The following PDE4D variants were observed in gnomAD, a reference collection of about 807,000 sequenced individuals.
The protein encoded by PDE4D is 3',5'-cyclic-AMP phosphodiesterase 4D.
A neutral mutation model predicts 87.4 loss-of-function variants in PDE4D; 24 were observed. That is an observed-to-expected ratio of 0.27 (90% CI 0.20 to 0.39). PDE4D has a LOEUF of 0.39. Ranked by LOEUF, PDE4D falls within the 10% of genes least tolerant of loss-of-function variation. The pLI is 1.00. For missense variants in PDE4D, 714 were observed against 1,041.0 expected, an observed-to-expected ratio of 0.69 and a Z score of 4.32; for synonymous variants, 384 against 383.2, an observed-to-expected ratio of 1.00 and a Z score of -0.02.
At chr5:59,807,373 C>T (rs1767858424) in intron 1 of PDE4D, among the ~76,000 whole-genome samples, 3 of 152,134 alleles carry the variant, frequency 2.0e-5, no homozygotes, top group Admixed American at 6.5e-5. Flanking sequence ...GGTCCCATTT[C>T]CCCCATGCTT....
At chr5:60,462,576 A>G (rs981343672) in intron 1 of PDE4D, among the ~76,000 whole-genome samples, 4 of 152,190 alleles carry the variant, frequency 2.6e-5, no homozygotes, top group Admixed American at 2.6e-4. Context: ...CACGGTGACC[A>G]CATAAACGGA....
chr5:60,367,375 G>A (rs1760644263), intron 1 of PDE4D, among the ~76,000 whole-genome samples: 2 of 151,610 alleles, frequency 1.3e-5, no homozygotes, highest in South Asian at 4.2e-4. Context: ...TTGAACCCAG[G>A]AGGAGGTGGA....
intron 1 of PDE4D, among the ~76,000 whole-genome samples, chr5:59,891,917 C>T (rs1751013735): frequency 6.6e-6 from 1 of 152,196 alleles, no homozygotes; most frequent in African/African-American, 2.4e-5. Flanking sequence ...TTTCCACACC[C>T]AGACCTGATT....
At chr5:60,513,869 G>C (rs1321059834) in intron 1 of PDE4D, among the ~76,000 whole-genome samples, 1 of 151,224 alleles carries the variant, frequency 6.6e-6, no homozygotes, top group Non-Finnish European at 1.5e-5. Context: ...AATATTAAGT[G>C]AGAATAAAGC....
At chr5:59,885,209 T>C (rs1238584192) in intron 1 of PDE4D, among the ~76,000 whole-genome samples, 3 of 152,154 alleles carry the variant, frequency 2.0e-5, no homozygotes, top group Admixed American at 2.0e-4. Flanking sequence ...TAAATTATTA[T>C]CATGCTGTTT....
At chr5:59,028,757 AAAG>A in intron 6 of PDE4D, among the ~76,000 whole-genome samples, 1 of 152,288 alleles carries the variant, frequency 6.6e-6, no homozygotes, top group South Asian at 2.1e-4. Flanking sequence ...AACTGAGGGT[AAAG>A]AAGGAAAAAT....
intron 1 of PDE4D, among the ~76,000 whole-genome samples, chr5:59,390,206 A>T (rs139398035): frequency 1.3e-5 from 2 of 152,160 alleles, no homozygotes; most frequent in East Asian, 3.8e-4. Context: ...TTTGCAACTT[A>T]TAATAGTTAT....
chr5:59,334,990 C>T (rs1777421320), intron 1 of PDE4D, among the ~76,000 whole-genome samples: 1 of 152,136 alleles, frequency 6.6e-6, no homozygotes, highest in African/African-American at 2.4e-5. Flanking sequence ...CATTTTTCAG[C>T]TTATACACTA....
At chr5:59,183,418 A>G (rs1742133174) in intron 4 of PDE4D, among the ~76,000 whole-genome samples, 1 of 152,134 alleles carries the variant, frequency 6.6e-6, no homozygotes, top group African/African-American at 2.4e-5. Context: ...TTGCATAGAA[A>G]CAGGCCTCAG....
Position 59,893,545 on chromosome 5 carries a change from G to C in PDE4D, c.78C>G (p.Leu26=), listed in dbSNP as rs1056384599. The change falls in exon 1 of 15, where the codon CTC becomes CTG. Residue 26 remains leucine (L), a synonymous_variant. Transcript: ENST00000340635. ...EGSDSAGGAT[L]KAPKHLWRHE... ...GCCTCCAGAGATGCTTGGGGGCTTTGAGCGTGGCCCCGCCGGCGCTGTCGC... is the reference window on the plus strand; with the variant it reads ...GCCTCCAGAGATGCTTGGGGGCTTTCAGCGTGGCCCCGCCGGCGCTGTCGC... The C allele has an allele frequency of 3.2e-6, 5 of 1,539,530 alleles. No individual in the cohort carries two copies. In the African/African-American group the frequency reaches 7.0e-5, roughly 21 times the overall value.
intron 1 of PDE4D, among the ~76,000 whole-genome samples, chr5:59,411,077 G>C (rs549638298): frequency 6.6e-6 from 1 of 152,036 alleles, no homozygotes; most frequent in African/African-American, 2.4e-5. Context: ...AGCTGAGCAG[G>C]GTGAGAGGAG....
intron 1 of PDE4D, among the ~76,000 whole-genome samples, chr5:59,518,747 T>C (rs552139002): frequency 7.7e-4 from 118 of 152,350 alleles, no homozygotes; most frequent in African/African-American, 2.8e-3. Flanking sequence ...TGATTTTTGT[T>C]GTTTCTGCAT....
intron 1 of PDE4D, among the ~76,000 whole-genome samples, chr5:60,193,946 C>T (rs1740888903): frequency 6.6e-6 from 1 of 151,346 alleles, no homozygotes; most frequent in African/African-American, 2.4e-5. Context: ...GGTGTTTCTC[C>T]TCCTATGAGG....
At chr5:59,966,744 T>G (rs1402517431) in intron 3 of PDE4D, among the ~76,000 whole-genome samples, 1 of 152,202 alleles carries the variant, frequency 6.6e-6, no homozygotes, top group Non-Finnish European at 1.5e-5. Context: ...TTTCAAACTG[T>G]TAAAGCAATA....
intron 2 of PDE4D, among the ~76,000 whole-genome samples, chr5:60,089,649 C>G (rs1774901652): frequency 6.6e-6 from 1 of 150,990 alleles, no homozygotes; most frequent in South Asian, 2.1e-4. Context: ...AAAGCAAGAA[C>G]AATCAAACTC....
chr5:59,809,578 A>G (rs1181908184), intron 1 of PDE4D, among the ~76,000 whole-genome samples: 1 of 152,160 alleles, frequency 6.6e-6, no homozygotes, highest in East Asian at 1.9e-4. Context: ...ATTTTAGGAT[A>G]TAGTATTGCC....
At chr5:59,415,112 G>GT (rs1291743651) in intron 1 of PDE4D, among the ~76,000 whole-genome samples, 1 of 152,200 alleles carries the variant, frequency 6.6e-6, no homozygotes, top group Non-Finnish European at 1.5e-5. Context: ...GGTAGTGGCA[G>GT]TGGAAATGAA....
intron 5 of PDE4D, among the ~76,000 whole-genome samples, chr5:59,088,898 C>T (rs1036892755): frequency 6.6e-6 from 1 of 152,038 alleles, no homozygotes; most frequent in African/African-American, 2.4e-5. Context: ...CACAAGTTTA[C>T]CTATGTAACA....
chr5:60,359,516 G>A (rs1372663184), intron 1 of PDE4D, among the ~76,000 whole-genome samples: 2 of 152,114 alleles, frequency 1.3e-5, no homozygotes, highest in African/African-American at 2.4e-5. Flanking sequence ...AGTAGTAGCC[G>A]ATTTTCCCCT....
Sources: allele counts gnomAD v4.1 joint callset (sites outside exome capture counted in the v4.1 genomes callset), GRCh38; gene constraint gnomAD v4.1.1; transcripts MANE v1.5; gene names NCBI Gene and HGNC (gene_info 2026-07-23, HGNC 2026-07-21).